The following TTLL7 variants were observed in gnomAD, a reference collection of about 807,000 sequenced individuals.
TTLL7 encodes tubulin polyglutamylase TTLL7.
In TTLL7, 53 loss-of-function variants were observed where a neutral mutation model predicts 120.2. The observed-to-expected ratio is 0.44, with a 90% CI of 0.35 to 0.55. The LOEUF (loss-of-function observed/expected upper bound fraction) is 0.55, where lower values mean the gene tolerates loss of function less well. TTLL7 is among the 20% of genes least tolerant of loss of function. The pLI is 0.00. For missense variants in TTLL7, 803 were observed against 1,054.7 expected (o/e 0.76, Z 3.31); for synonymous variants, 353 against 351.7 (o/e 1.00, Z -0.04).
chr1:83,933,596 A>G lies in TTLL7; in HGVS notation c.1047+12T>C, dbSNP rs1360172949. On this transcript the variant is annotated intron_variant, in intron 9 of 20. Coordinates refer to ENST00000260505, the MANE Select transcript of TTLL7 (RefSeq NM_024686.6). The stretch of plus-strand genomic sequence containing the variant: ...AGTGATAACTCTTCTTTTTTCTTAA[A>G]GAATGCCTTACCTCCAGAAGCCATG... 2 of 1,604,138 alleles carry G rather than the reference A, an allele frequency of 1.2e-6. No individual in the cohort carries two copies. The highest frequency in any genetic ancestry group is 1.7e-6 in the Non-Finnish European group (2 of 1,177,070).
At chr1:83,905,819 T>C (rs1263499519) in intron 17 of TTLL7, among the ~76,000 whole-genome samples, 2 of 151,806 alleles carry the variant, frequency 1.3e-5, no homozygotes, top group Non-Finnish European at 2.9e-5. Flanking sequence ...TTCCACTGGG[T>C]GGTGCACATG....
intron 1 of TTLL7, among the ~76,000 whole-genome samples, chr1:83,960,733 C>G (rs1474702948): frequency 6.6e-6 from 1 of 152,098 alleles, no homozygotes; most frequent in East Asian, 1.9e-4. Flanking sequence ...AGCATAACTG[C>G]TCCTATTTCT....
intron 1 of TTLL7, among the ~76,000 whole-genome samples, chr1:83,970,611 T>TA (rs1234265952): frequency 5.9e-5 from 9 of 152,110 alleles, no homozygotes; most frequent in Non-Finnish European, 1.2e-4. Flanking sequence ...ACTTGAAAAT[T>TA]AAAAGATAAT....
intron 1 of TTLL7, among the ~76,000 whole-genome samples, chr1:83,994,616 T>C (rs879901088): frequency 1.3e-5 from 2 of 152,226 alleles, no homozygotes; most frequent in Admixed American, 1.3e-4. Context: ...TTGGGAACTT[T>C]ATGCATCTGA....
intron 19 of TTLL7, among the ~76,000 whole-genome samples, chr1:83,889,334 G>A (rs1306971304): frequency 6.6e-6 from 1 of 152,032 alleles, no homozygotes; most frequent in African/African-American, 2.4e-5. Context: ...GACACGTGGG[G>A]ATTATGGGAA....
In TTLL7 at chr1:83,886,093, C is replaced by A. The variant is rs77248346; in HGVS notation, c.2370-2957G>T. Among the ~76,000 whole-genome samples, 70 of 152,110 alleles carry A rather than the reference C, an allele frequency of 4.6e-4. No individual in the cohort carries two copies. The East Asian group carries it at 5.4e-3, about 12-fold the overall frequency. On this transcript the variant is annotated intron_variant, in intron 19 of 20. Transcript: ENST00000260505. ...ACAGAATACTGAATATCTCTGGCAACAAAGGAGAGTTATTCATGAAATCCA... is the reference window on the plus strand; with the variant it reads ...ACAGAATACTGAATATCTCTGGCAAAAAAGGAGAGTTATTCATGAAATCCA...
intron 7 of TTLL7, among the ~76,000 whole-genome samples, chr1:83,939,215 T>C (rs1334193658): frequency 6.6e-6 from 1 of 152,206 alleles, no homozygotes; most frequent in African/African-American, 2.4e-5. Flanking sequence ...ATAAATCTTA[T>C]GCTTACCTAA....
intron 19 of TTLL7, chr1:83,889,994 C>G (rs2100724738): frequency 6.3e-6 from 3 of 478,112 alleles, no homozygotes; most frequent in East Asian, 6.3e-5. Flanking sequence ...GCTTTAGCAG[C>G]ACTAGGATTC....
chr1:83,973,355 CATT>C (rs1307031071), intron 1 of TTLL7, among the ~76,000 whole-genome samples: 6 of 152,048 alleles, frequency 3.9e-5, no homozygotes, highest in African/African-American at 1.4e-4. Flanking sequence ...GCCTTTGCAT[CATT>C]GTCAAAGATC....
intron 18 of TTLL7, among the ~76,000 whole-genome samples, chr1:83,897,046 T>TA (rs1270361290): frequency 6.6e-6 from 1 of 152,086 alleles, no homozygotes; most frequent in Non-Finnish European, 1.5e-5. Flanking sequence ...TTAATTCCCA[T>TA]ACCCTTGATC....
At chr1:83,884,215 A>G (rs1195918487) in intron 19 of TTLL7, among the ~76,000 whole-genome samples, 2 of 151,870 alleles carry the variant, frequency 1.3e-5, no homozygotes, top group Admixed American at 1.3e-4. Flanking sequence ...TCAAGCCTCC[A>G]GGGGAAATTT....
At chr1:83,954,631 C>G (rs1456998948) in intron 1 of TTLL7, among the ~76,000 whole-genome samples, 5 of 152,232 alleles carry the variant, frequency 3.3e-5, no homozygotes, top group African/African-American at 7.2e-5. Context: ...CAGGCCACAC[C>G]CCAGAACTAA....
At chr1:83,933,575 A>C in intron 9 of TTLL7, 33 bp downstream of exon 9, 3 of 1,602,312 alleles carry the variant, frequency 1.9e-6, no homozygotes, top group Non-Finnish European at 2.6e-6. Context: ...AAGGACAGTG[A>C]TAACTCTTCT....
chr1:83,957,007 G>A (rs1315524093), intron 1 of TTLL7, among the ~76,000 whole-genome samples: 2 of 152,130 alleles, frequency 1.3e-5, no homozygotes, highest in African/African-American at 4.8e-5. Flanking sequence ...CTCCATTTAA[G>A]TGAAAATACC....
intron 17 of TTLL7, among the ~76,000 whole-genome samples, chr1:83,905,712 A>C (rs960710421): frequency 2.0e-5 from 3 of 152,058 alleles, no homozygotes; most frequent in Non-Finnish European, 4.4e-5. Flanking sequence ...ATGCGCTTTC[A>C]CAAAAATTAT....
intron 1 of TTLL7, among the ~76,000 whole-genome samples, chr1:83,988,717 T>G (rs1027404702): frequency 6.8e-6 from 1 of 146,086 alleles, no homozygotes; most frequent in Non-Finnish European, 1.5e-5. Flanking sequence ...TTTGGCCACC[T>G]TTTTTTTTTT....
intron 1 of TTLL7, among the ~76,000 whole-genome samples, chr1:83,970,626 A>C (rs977039594): frequency 2.8e-4 from 42 of 152,272 alleles, no homozygotes; most frequent in African/African-American, 9.9e-4. Context: ...GATAATTGCT[A>C]ATTAAGAAAA....
intron 8 of TTLL7, among the ~76,000 whole-genome samples, chr1:83,935,440 T>C (rs1571236430): frequency 6.6e-6 from 1 of 152,222 alleles, no homozygotes; most frequent in East Asian, 1.9e-4. Flanking sequence ...ACAAATGAAA[T>C]TCCACTACTG....
rs1226935391 is a variant in TTLL7 at position 83,952,255 on chromosome 1, AGCTC to A, written c.-48_-45del. 17 of 1,610,552 alleles carry A rather than the reference AGCTC, an allele frequency of 1.1e-5. No individual in the cohort carries two copies. The highest frequency in any genetic ancestry group is 1.4e-5 in the Non-Finnish European group (16 of 1,178,268). On this transcript the variant is annotated 5_prime_UTR_variant, in exon 2 of 21. Coordinates refer to ENST00000260505, the MANE Select transcript of TTLL7 (RefSeq NM_024686.6). ...GCAAGCAGTGTGTGCTGCTGTACCA[AGCTC>A]TCAGGAAATCTGGAAATTCCACATT...
Sources: allele counts gnomAD v4.1 joint callset (sites outside exome capture counted in the v4.1 genomes callset), GRCh38; gene constraint gnomAD v4.1.1; transcripts MANE v1.5; gene names NCBI Gene and HGNC (gene_info 2026-07-23, HGNC 2026-07-21).